The following TNK2 variants were observed in gnomAD, a reference collection of about 807,000 sequenced individuals.
The protein encoded by TNK2 is activated CDC42 kinase 1.
A neutral mutation model predicts 101.8 loss-of-function variants in TNK2; 83 were observed. That is an observed-to-expected ratio of 0.82 (90% CI 0.68 to 0.98). The LOEUF (loss-of-function observed/expected upper bound fraction) is 0.98, where lower values mean the gene tolerates loss of function less well. TNK2 is among the 50% of genes least tolerant of loss of function. The probability of loss-of-function intolerance (pLI) is 0.00; values close to 1 mark genes in which losing one functional copy is unlikely to be tolerated. For synonymous variants in TNK2, 804 were observed against 633.0 expected (o/e 1.27, Z -4.06); for missense variants, 1,665 against 1,483.2 (o/e 1.12, Z -2.01).
chr3:195,907,272 C>T (rs1279450573), intron 1 of TNK2, among the ~76,000 whole-genome samples: 3 of 152,194 alleles, frequency 2.0e-5, no homozygotes, highest in Non-Finnish European at 4.4e-5. Context: ...TGGGTGGCAG[C>T]GCGACAGGCA....
chr3:195,896,760 T>G (rs961904212), intron 1 of TNK2: 6 of 152,580 alleles, frequency 3.9e-5, no homozygotes, highest in Non-Finnish European at 5.9e-5. Flanking sequence ...AGTTCGAGAA[T>G]CCACCCCACG....
intron 10 of TNK2, chr3:195,870,414 G>A (rs1466296951): frequency 6.3e-6 from 9 of 1,428,884 alleles, no homozygotes; most frequent in Non-Finnish European, 7.4e-6. Context: ...CCTGACCCCA[G>A]GATGGAAAGC....
chr3:195,895,431 G>C, intron 1 of TNK2: 1 of 1,486,364 alleles, frequency 6.7e-7, no homozygotes, highest in Non-Finnish European at 8.9e-7. Flanking sequence ...CAGAAGTGCA[G>C]GGCCGCTACT....
chr3:195,886,719 G>A lies in TNK2; in HGVS notation c.234+258C>T, dbSNP rs1489273494. 3.9e-5 allele frequency among the ~76,000 whole-genome samples: 6 copies of A among 152,182 alleles called. No individual in the cohort carries two copies. The highest frequency in any genetic ancestry group is 5.9e-5 in the Non-Finnish European group (4 of 68,050). ...TTGTCAATGAGGTCCTGTTCCAGGC[G>A]TGCCGAGAGGGGCTGTGAAGGCCTC... is the stretch of plus-strand genomic sequence containing the variant. On this transcript the variant is annotated intron_variant, in intron 3 of 15. Transcript: ENST00000672887. The surrounding 1 kb of genome is among the most constrained non-coding windows in gnomAD (Gnocchi z 4.2).
chr3:195,898,131 G>A (rs935209280), intron 1 of TNK2, among the ~76,000 whole-genome samples: 1 of 151,846 alleles, frequency 6.6e-6, no homozygotes, highest in Non-Finnish European at 1.5e-5. Context: ...AACATCACAA[G>A]CCAACACTAG....
At chr3:195,887,887 C>CGCACGTGCATGCGTGTGT (rs59022470) in intron 2 of TNK2, among the ~76,000 whole-genome samples, 6,303 of 144,842 alleles carry the variant, frequency 0.044, 210 homozygotes, top group African/African-American at 0.1. Flanking sequence ...CGCGTGCGTA[C>CGCACGTGCATGCGTGTGT]GCACGTGCAT....
chr3:195,880,437 A>G (rs576426336), intron 6 of TNK2, among the ~76,000 whole-genome samples: 25 of 115,704 alleles, frequency 2.2e-4, no homozygotes, highest in Non-Finnish European at 3.8e-4. Context: ...CTTGAAGAGG[A>G]CACAGCATAT....
In TNK2 at chr3:195,872,358, G is replaced by A; in HGVS notation, c.1369C>T (p.Pro457Ser). The change falls in exon 10 of 16, where the codon CCC (proline) becomes TCC (serine). Residue 457 changes from proline to serine, a missense_variant. By Grantham distance (74) the Pro-to-Ser change is moderately conservative. This residue lies in a region of TNK2 where 1,136 missense variants were observed against 894.9 expected (regional missense o/e 1.27). Coordinates refer to ENST00000672887, the MANE Select transcript of TNK2 (RefSeq NM_001382273.1). ...GTGTGGATGAAGCTGTTCTGCAGGGGCTGGCTGATGTCCTGGGCCGACAGG... is the reference window on the plus strand; with the variant it reads ...GTGTGGATGAAGCTGTTCTGCAGGGACTGGCTGATGTCCTGGGCCGACAGG... Reference protein sequence around the residue: ...AGLSAQDISQPLQNSFIHTGH... With the variant: ...AGLSAQDISQSLQNSFIHTGH... The A allele has an allele frequency of 6.2e-7, 1 of 1,613,414 alleles. No individual in the cohort carries two copies. The highest frequency in any genetic ancestry group is 1.1e-5 in the South Asian group (1 of 91,090).
rs765487802 is a variant in TNK2 at position 195,867,064 on chromosome 3, T to C, written c.3034-48A>G. ...GGACACGCGGGCCCAGGGCACCGAC[T>C]AGGGTGGGGAAGAGGGGAGTCGGAG... On this transcript the variant is annotated intron_variant, in intron 14 of 15. Coordinates refer to ENST00000672887, the MANE Select transcript of TNK2 (RefSeq NM_001382273.1). The C allele has an allele frequency of 2.5e-5, 41 of 1,610,242 alleles. No individual in the cohort carries two copies. The East Asian group carries it at 7.6e-4, about 30-fold the overall frequency.
At chr3:195,869,656 TG>T in intron 11 of TNK2, 115 bp from the exon 12 acceptor site, 1 of 1,033,056 alleles carries the variant, frequency 9.7e-7, no homozygotes, top group Non-Finnish European at 1.5e-6. Flanking sequence ...GAGAAGTGAA[TG>T]GGGGCGAGTG....
chr3:195,881,580 G>C (rs1431217061), intron 6 of TNK2, among the ~76,000 whole-genome samples: 2 of 46,794 alleles, frequency 4.3e-5, no homozygotes, highest in African/African-American at 1.3e-4. Context: ...ATCTATCCCT[G>C]TAACACCCCC....
Position 195,878,612 on chromosome 3 carries a change from G to C in TNK2, c.1015-20C>G. 2 of 1,606,520 alleles carry C rather than the reference G, an allele frequency of 1.2e-6. No homozygotes were observed. The highest frequency in any genetic ancestry group is 1.7e-6 in the Non-Finnish European group (2 of 1,175,776). ...CAGGATCTGAAGGTGAGGAGGTGCAGAGTTTGACGACAAACAGAGCGCCCA... is the reference window on the plus strand; with the variant it reads ...CAGGATCTGAAGGTGAGGAGGTGCACAGTTTGACGACAAACAGAGCGCCCA... On this transcript the variant is annotated intron_variant, in intron 7 of 15. Transcript: ENST00000672887. This position sits in a 1 kb window ranked among gnomAD's most constrained non-coding sequence, Gnocchi z 4.7.
In TNK2 at chr3:195,885,036, G is replaced by A; in HGVS notation, c.235-3C>T. 6.3e-7 allele frequency: 1 copy of A among 1,587,342 alleles called. No homozygotes were observed. Among genetic ancestry groups the A allele is most frequent in the Middle Eastern group, 1.7e-4 (1 of 5,934 alleles). On this transcript the variant is annotated splice_polypyrimidine_tract_variant and splice_region_variant and intron_variant, in intron 3 of 15. Transcript: ENST00000672887. The surrounding 1 kb of genome is among the most constrained non-coding windows in gnomAD (Gnocchi z 4.7). ...TCCAGTCGCTTTCCACTGAACACCT[G>A]TTTGAAGGCAGCCGGGGGCCAGATG...
At chr3:195,902,478 C>T (rs1014809310) in intron 1 of TNK2, among the ~76,000 whole-genome samples, 18 of 151,668 alleles carry the variant, frequency 1.2e-4, no homozygotes, top group Admixed American at 1.3e-4. Context: ...GTTAGCCAGG[C>T]GTGGTGGCAT....
chr3:195,881,830 T>C (rs1753266727), intron 6 of TNK2, among the ~76,000 whole-genome samples: 1 of 151,922 alleles, frequency 6.6e-6, no homozygotes, highest in Non-Finnish European at 1.5e-5. Context: ...TCCCACAGCA[T>C]GTATCCCTGT....
intron 1 of TNK2, among the ~76,000 whole-genome samples, chr3:195,904,262 T>TAAAAA (rs35186478): frequency 8.0e-6 from 1 of 125,314 alleles, no homozygotes. Context: ...ACCTTGTCTT[T>TAAAAA]AAAAAAAAAA....
At chr3:195,869,341 G>A (rs1335641601) in intron 12 of TNK2, 156 bp downstream of exon 12, 7 of 779,712 alleles carry the variant, frequency 9.0e-6, no homozygotes, top group Non-Finnish European at 1.5e-5. Flanking sequence ...TCGAGGGGGG[G>A]CAGGCATGCT....
intron 1 of TNK2, chr3:195,895,340 A>AGCGCCCGCAGCCCCCGCCCCGCAGCG: frequency 6.4e-7 from 1 of 1,565,554 alleles, no homozygotes; most frequent in Non-Finnish European, 8.6e-7. Flanking sequence ...GGAGAGAAGC[A>AGCGCCCGCAGCCCCCGCCCCGCAGCG]GCGCCCGCAG....
chr3:195,903,574 G>A (rs748829290), intron 1 of TNK2, among the ~76,000 whole-genome samples: 23 of 152,094 alleles, frequency 1.5e-4, no homozygotes, highest in African/African-American at 5.1e-4. Flanking sequence ...AAAATTAGCC[G>A]GGTGTGGTGG....
Sources: gnomAD v4.1 joint callset for allele counts (sites outside exome capture counted in the v4.1 genomes callset) on GRCh38, gnomAD v4.1.1 for gene constraint, gnomAD v4.1.1 regional missense constraint, Gnocchi (gnomAD v3.1) non-coding constraint, MANE v1.5 for transcripts, NCBI Gene and HGNC (gene_info 2026-07-23, HGNC 2026-07-21) for gene names.